GRIK4: variants seen among roughly 807,000 people sequenced by gnomAD.
GRIK4 encodes glutamate receptor ionotropic, kainate 4.
Under a neutral mutation model 104.9 loss-of-function variants are expected in GRIK4, and 40 were observed. The ratio of observed to expected loss-of-function variants is 0.38; its 90% CI spans 0.30 to 0.50. The LOEUF (loss-of-function observed/expected upper bound fraction) is 0.50, where lower values mean the gene tolerates loss of function less well. GRIK4 is among the 20% of genes least tolerant of loss of function. The pLI, the probability that GRIK4 is intolerant of heterozygous loss-of-function variation, is 0.93. For missense variants in GRIK4, 1,047 were observed against 1,308.1 expected (o/e 0.80, Z 3.08); for synonymous variants, 485 against 524.9 (o/e 0.92, Z 1.04).
At chr11:120,960,461 A>T (rs1289188728) in intron 16 of GRIK4, among the ~76,000 whole-genome samples, 1 of 152,216 alleles carries the variant, frequency 6.6e-6, no homozygotes, top group African/African-American at 2.4e-5. Flanking sequence ...GAGATAGTGG[A>T]TGTAGCTCGT....
rs149539850 is a variant in GRIK4, at chr11:120,606,719, A to G, written c.-158-46966A>G. Among the ~76,000 whole-genome samples, 247 of 152,326 alleles carry G rather than the reference A, an allele frequency of 1.6e-3. 1 individual carries two copies. Among genetic ancestry groups the G allele is most frequent in the African/African-American group, 5.4e-3 (226 of 41,564 alleles). On this transcript the variant is annotated intron_variant, in intron 1 of 20. Coordinates refer to ENST00000527524, the MANE Select transcript of GRIK4 (RefSeq NM_014619.5). ...TGTGAGCATGGAGAGGAGGGCATGC[A>G]GTTCTCCCACGGAGGTGACTGGGAG...
In GRIK4 at chr11:120,986,480, C is replaced by G. The variant is rs1478220711; in HGVS notation, c.*220C>G. The G allele has an allele frequency of 1.7e-6, 1 of 579,576 alleles. No individual in the cohort carries two copies. The highest frequency in any genetic ancestry group is 3.6e-5 in the East Asian group (1 of 27,714). 35.9% of individuals were successfully genotyped at this position (579,576 alleles called of 1,614,324 possible). On this transcript the variant is annotated 3_prime_UTR_variant, in exon 21 of 21. Transcript: ENST00000527524. ...ACCCGGAAACGTTGCACCCAAAGGG[C>G]AAAGGACGGCCCTCCCTCCTGGGCA...
intron 19 of GRIK4, among the ~76,000 whole-genome samples, chr11:120,974,705 A>G (rs537316490): frequency 6.6e-6 from 1 of 152,094 alleles, no homozygotes; most frequent in East Asian, 1.9e-4. Flanking sequence ...GAGCCACAAT[A>G]TTACCCCTTC....
intron 9 of GRIK4, among the ~76,000 whole-genome samples, chr11:120,864,952 C>T (rs1190018919): frequency 6.6e-6 from 1 of 152,200 alleles, no homozygotes; most frequent in African/African-American, 2.4e-5. Flanking sequence ...CCCCGTGGGC[C>T]GCAGATTCTT....
chr11:120,864,292 G>C (rs1954341174), intron 9 of GRIK4, among the ~76,000 whole-genome samples: 1 of 151,262 alleles, frequency 6.6e-6, no homozygotes, highest in East Asian at 1.9e-4. Flanking sequence ...CCAGGCTGGA[G>C]TGCAGTGGCG....
intron 3 of GRIK4, among the ~76,000 whole-genome samples, chr11:120,796,634 A>G (rs1387126610): frequency 6.6e-6 from 1 of 152,066 alleles, no homozygotes; most frequent in Non-Finnish European, 1.5e-5. Context: ...CAGCATTGGC[A>G]AAGGCATGGA....
intron 1 of GRIK4, among the ~76,000 whole-genome samples, chr11:120,578,871 C>A (rs1948524597): frequency 6.6e-6 from 1 of 152,212 alleles, no homozygotes; most frequent in African/African-American, 2.4e-5. Flanking sequence ...AGGGTTGCAA[C>A]TGTCTCCAGC....
Position 120,601,255 on chromosome 11 carries a change from A to G in GRIK4, c.-158-52430A>G, listed in dbSNP as rs565386503. Among the ~76,000 whole-genome samples the G allele has an allele frequency of 6.9e-4, 105 of 151,962 alleles. 1 individual carries two copies. The highest frequency in any genetic ancestry group is 1.5e-3 in the African/African-American group (63 of 41,442). Reference sequence around the variant, plus strand: ...ACCTCATCTCTAGTAAAAATACAAAAATTAGCCAGGCTTTGTGGTGCACGC... The same window carrying G: ...ACCTCATCTCTAGTAAAAATACAAAGATTAGCCAGGCTTTGTGGTGCACGC... On this transcript the variant is annotated intron_variant, in intron 1 of 20. Transcript: ENST00000527524.
At chr11:120,708,170 C>T (rs1026042053) in intron 3 of GRIK4, among the ~76,000 whole-genome samples, 6 of 152,092 alleles carry the variant, frequency 3.9e-5, no homozygotes, top group Admixed American at 2.6e-4. Context: ...TTTGACATTA[C>T]CACATACTTA....
intron 19 of GRIK4, among the ~76,000 whole-genome samples, chr11:120,973,463 C>T (rs1233721583): frequency 1.3e-5 from 2 of 152,192 alleles, no homozygotes; most frequent in Non-Finnish European, 2.9e-5. Flanking sequence ...CAAATGCATC[C>T]GAAGATTTCT....
chr11:120,648,331 C>T (rs1949570567), intron 1 of GRIK4, among the ~76,000 whole-genome samples: 1 of 152,212 alleles, frequency 6.6e-6, no homozygotes. Context: ...CCAGGGCAGC[C>T]TCTGGATGGG....
chr11:120,730,686 C>T (rs1346879564), intron 3 of GRIK4, among the ~76,000 whole-genome samples: 1 of 152,052 alleles, frequency 6.6e-6, no homozygotes, highest in Non-Finnish European at 1.5e-5. Context: ...TTGATTCTTC[C>T]AATCAATGAA....
intron 1 of GRIK4, among the ~76,000 whole-genome samples, chr11:120,637,811 C>A (rs1033122715): frequency 2.6e-5 from 4 of 152,080 alleles, no homozygotes; most frequent in African/African-American, 9.7e-5. Flanking sequence ...CAGAACCATA[C>A]CTCTCCCACC....
intron 14 of GRIK4, among the ~76,000 whole-genome samples, chr11:120,942,831 A>G (rs1219426936): frequency 6.6e-6 from 1 of 152,146 alleles, no homozygotes; most frequent in Non-Finnish European, 1.5e-5. Context: ...CTGTGAAGGT[A>G]TTTGTAGACA....
intron 8 of GRIK4, among the ~76,000 whole-genome samples, chr11:120,850,167 C>T (rs1167173319): frequency 2.0e-5 from 3 of 152,198 alleles, no homozygotes; most frequent in African/African-American, 7.2e-5. Context: ...CTTCTGCAAA[C>T]AGCCAGTGAA....
At chr11:120,922,000 G>A (rs1009414771) in intron 13 of GRIK4, among the ~76,000 whole-genome samples, 1 of 152,088 alleles carries the variant, frequency 6.6e-6, no homozygotes, top group African/African-American at 2.4e-5. Flanking sequence ...GGAGGTCACA[G>A]AGCAAGTGCC....
Position 120,939,835 on chromosome 11 carries a change from C to T in GRIK4, c.1477-512C>T, listed in dbSNP as rs1466635460. ...TGTCTACTAAAATTACAAAAATAAG[C>T]CAGGCATGGTGGCCCACGCCTGTAG... On this transcript the variant is annotated intron_variant, in intron 13 of 20. Coordinates refer to ENST00000527524, the MANE Select transcript of GRIK4 (RefSeq NM_014619.5). This position sits in a 1 kb window ranked among gnomAD's most constrained non-coding sequence, Gnocchi z 5.6. Among the ~76,000 whole-genome samples the T allele has an allele frequency of 1.3e-5, 2 of 152,156 alleles. No individual in the cohort carries two copies. Among genetic ancestry groups the T allele is most frequent in the Non-Finnish European group, 2.9e-5 (2 of 68,016 alleles).
At chr11:120,600,454 G>C (rs1219854277) in intron 1 of GRIK4, among the ~76,000 whole-genome samples, 1 of 152,216 alleles carries the variant, frequency 6.6e-6, no homozygotes, top group African/African-American at 2.4e-5. Context: ...GGCTAACTCA[G>C]GGAAATGGGG....
intron 3 of GRIK4, among the ~76,000 whole-genome samples, chr11:120,751,067 CAG>C (rs1951540937): frequency 6.6e-6 from 1 of 152,158 alleles, no homozygotes; most frequent in African/African-American, 2.4e-5. Context: ...ACAGGGGACA[CAG>C]GGTGGGAAGA....
Sources: gnomAD v4.1 joint callset for allele counts (sites outside exome capture counted in the v4.1 genomes callset) on GRCh38, gnomAD v4.1.1 for gene constraint, Gnocchi (gnomAD v3.1) non-coding constraint, MANE v1.5 for transcripts, NCBI Gene and HGNC (gene_info 2026-07-23, HGNC 2026-07-21) for gene names.